WBP2NL: variants seen among roughly 807,000 people sequenced by gnomAD.
WBP2NL encodes postacrosomal sheath WW domain-binding protein.
In WBP2NL, 27 loss-of-function variants were observed where a neutral mutation model predicts 23.3. The observed-to-expected ratio is 1.16, with a 90% CI of 0.85 to 1.60. The LOEUF (loss-of-function observed/expected upper bound fraction) is 1.60. Among genes scored for constraint, WBP2NL ranks in the 40% most tolerant of loss-of-function variants. WBP2NL has a pLI of 0.00. For missense variants in WBP2NL, 370 were observed against 389.5 expected, an observed-to-expected ratio of 0.95 and a Z score of 0.42; for synonymous variants, 151 against 145.9, an observed-to-expected ratio of 1.03 and a Z score of -0.25.
At chr22:42,055,020 G>C (rs900995338) in intron 8 of WBP2NL, among the ~76,000 whole-genome samples, 2 of 152,164 alleles carry the variant, frequency 1.3e-5, no homozygotes, top group East Asian at 3.8e-4. Flanking sequence ...GAAATTGAAA[G>C]TGTGTGTCCT....
In WBP2NL at chr22:42,019,853, A is replaced by G. The variant is rs765999809; in HGVS notation, c.313+50A>G. On this transcript the variant is annotated intron_variant, in intron 3 of 5. Transcript: ENST00000328823. The stretch of plus-strand genomic sequence containing the variant: ...ATTTTTTTTTCCCTCAAAATCTTCT[A>G]AAAGGTTTAAGATTCAAACTTGGCT... 4.4e-6 allele frequency: 7 copies of G among 1,608,748 alleles called. No homozygotes were observed. The East Asian group carries it at 8.9e-5, about 21-fold the overall frequency.
At chr22:42,016,457 G>C (rs1923318295) in intron 1 of WBP2NL, among the ~76,000 whole-genome samples, 1 of 152,204 alleles carries the variant, frequency 6.6e-6, no homozygotes, top group Admixed American at 6.5e-5. Context: ...TGGGAATATA[G>C]ATTGTTGTCT....
intron 1 of WBP2NL, among the ~76,000 whole-genome samples, chr22:42,016,681 TA>T (rs1021970039): frequency 1.3e-5 from 2 of 152,266 alleles, no homozygotes; most frequent in Admixed American, 1.3e-4. Context: ...GACTGACATT[TA>T]AAGATTCCCA....
intron 8 of WBP2NL, among the ~76,000 whole-genome samples, chr22:42,056,407 G>C (rs1440739645): frequency 6.6e-6 from 1 of 152,026 alleles, no homozygotes; most frequent in Admixed American, 6.6e-5. Flanking sequence ...AAATCAGATG[G>C]GGACAAAAAA....
intron 1 of WBP2NL, among the ~76,000 whole-genome samples, chr22:42,007,239 GT>G (rs1202263846): frequency 1.3e-5 from 2 of 151,796 alleles, no homozygotes; most frequent in Non-Finnish European, 2.9e-5. Context: ...TTTGTTTGTG[GT>G]TTTTTTGGTC....
chr22:42,052,516 GC>G (rs1314490784), intron 8 of WBP2NL, among the ~76,000 whole-genome samples: 1 of 152,118 alleles, frequency 6.6e-6, no homozygotes, highest in African/African-American at 2.4e-5. Flanking sequence ...CTGACCTCAG[GC>G]GATCCACCCA....
At chr22:42,029,840 G>C (rs1166578394), downstream of WBP2NL, 1 of 152,144 alleles carries the variant, frequency 6.6e-6, no homozygotes, top group Non-Finnish European at 1.5e-5. Context: ...CTCTTTTAAG[G>C]TATTTGAATT....
At chr22:42,048,696 C>T (rs1223517368) in intron 8 of WBP2NL, among the ~76,000 whole-genome samples, 2 of 148,502 alleles carry the variant, frequency 1.3e-5, no homozygotes, top group South Asian at 4.2e-4. Context: ...GCGGAGCTTG[C>T]AGTGAGCCAG....
At chr22:42,012,584 T>G (rs920522339) in intron 1 of WBP2NL, among the ~76,000 whole-genome samples, 2 of 152,246 alleles carry the variant, frequency 1.3e-5, no homozygotes, top group African/African-American at 4.8e-5. Flanking sequence ...GCGTTTCTTG[T>G]ATTTCAAATC....
intron 1 of WBP2NL, chr22:42,001,727 G>A (rs1427232400): frequency 1.6e-6 from 2 of 1,212,152 alleles, no homozygotes; most frequent in Non-Finnish European, 2.4e-6. Flanking sequence ...GGTGGGGGAA[G>A]TATCTGATGA....
chr22:42,001,700 G>A (rs1921709032), intron 1 of WBP2NL: 9 of 1,223,866 alleles, frequency 7.4e-6, no homozygotes, highest in Non-Finnish European at 8.5e-6. Flanking sequence ...ATCTTTGAAG[G>A]TGAAGTTAAG....
chr22:42,006,708 T>C (rs532149644), intron 1 of WBP2NL, among the ~76,000 whole-genome samples: 6 of 152,254 alleles, frequency 3.9e-5, no homozygotes, highest in Non-Finnish European at 4.4e-5. Flanking sequence ...GGAACTTATG[T>C]TGAGAAATAA....
intron 8 of WBP2NL, among the ~76,000 whole-genome samples, chr22:42,052,695 A>T (rs569782255): frequency 6.6e-6 from 1 of 152,200 alleles, no homozygotes; most frequent in Non-Finnish European, 1.5e-5. Context: ...TATTTTTCCA[A>T]TGTGTCTTTG....
At chr22:41,999,682 T>C (rs133304) in intron 1 of WBP2NL, among the ~76,000 whole-genome samples, 117,591 of 151,998 alleles carry the variant, frequency 0.77, 45,651 homozygotes, top group East Asian at 0.91. Context: ...GTAAGAGGAT[T>C]GCTTGAACCC....
intron 1 of WBP2NL, among the ~76,000 whole-genome samples, chr22:42,004,764 A>G (rs1436370644): frequency 6.6e-6 from 1 of 152,010 alleles, no homozygotes; most frequent in Non-Finnish European, 1.5e-5. Context: ...TCTCTACTAA[A>G]AATACAAAAA....
chr22:42,036,137 T>C (rs905166734), downstream of WBP2NL, among the ~76,000 whole-genome samples: 2 of 152,164 alleles, frequency 1.3e-5, no homozygotes, highest in Non-Finnish European at 1.5e-5. Context: ...AGTACAGATA[T>C]CCCTTTACTA....
At chr22:42,023,964 A>C (rs1191954087) in intron 5 of WBP2NL, among the ~76,000 whole-genome samples, 1 of 151,926 alleles carries the variant, frequency 6.6e-6, no homozygotes, top group Non-Finnish European at 1.5e-5. Flanking sequence ...ACTTTTTATC[A>C]CCTAATAGCC....
downstream of WBP2NL, chr22:42,029,900 G>A (rs950003702): frequency 2.0e-5 from 3 of 152,114 alleles, no homozygotes; most frequent in African/African-American, 7.2e-5. Context: ...CTTTGTATAT[G>A]GAGCTTTTTA....
chr22:42,028,957 T>C (rs1347747431), downstream of WBP2NL, among the ~76,000 whole-genome samples: 2 of 152,184 alleles, frequency 1.3e-5, no homozygotes, highest in African/African-American at 4.8e-5. Context: ...TAACCAAAAA[T>C]GCTCCCACTT....
Sources: allele counts gnomAD v4.1 joint callset (sites outside exome capture counted in the v4.1 genomes callset), GRCh38; gene constraint gnomAD v4.1.1; transcripts MANE v1.5; gene names NCBI Gene and HGNC (gene_info 2026-07-23, HGNC 2026-07-21).